Variants in MDGA2 observed in about 807,000 individuals in gnomAD.
MDGA2 encodes MAM domain containing glycosylphosphatidylinositol anchor 2.
A neutral mutation model predicts 117.8 loss-of-function variants in MDGA2; 40 were observed. The ratio of observed to expected loss-of-function variants is 0.34; its 90% confidence interval spans 0.26 to 0.44. MDGA2 has a LOEUF of 0.44. Among genes scored for constraint, MDGA2 ranks in the 20% least tolerant of loss-of-function variants. The pLI, the probability that MDGA2 is intolerant of heterozygous loss-of-function variation, is 1.00. For synonymous variants in MDGA2, 452 were observed against 439.0 expected, an observed-to-expected ratio of 1.03 and a Z score of -0.37; for missense variants, 1,123 against 1,250.6, an observed-to-expected ratio of 0.90 and a Z score of 1.54.
chr14:46,917,504 T>G (rs576638847), intron 10 of MDGA2, among the ~76,000 whole-genome samples: 1 of 152,302 alleles, frequency 6.6e-6, no homozygotes, highest in Non-Finnish European at 1.5e-5. Context: ...ATGCTCAAGG[T>G]TATGTAGCTA....
chr14:47,171,324 A>G (rs1884123510), intron 3 of MDGA2, among the ~76,000 whole-genome samples: 1 of 152,168 alleles, frequency 6.6e-6, no homozygotes, highest in Admixed American at 6.6e-5. Context: ...AATGAATATT[A>G]TATAAATTCT....
chr14:47,402,671 T>C (rs1240416014), intron 1 of MDGA2, among the ~76,000 whole-genome samples: 1 of 152,170 alleles, frequency 6.6e-6, no homozygotes, highest in Non-Finnish European at 1.5e-5. Context: ...AATTTTTGCA[T>C]TTGTATAGCA....
intron 1 of MDGA2, among the ~76,000 whole-genome samples, chr14:47,615,602 A>C (rs1297574332): frequency 6.6e-6 from 1 of 152,192 alleles, no homozygotes; most frequent in African/African-American, 2.4e-5. Context: ...ACTGCAGTTG[A>C]ATTAGGTCAG....
In MDGA2 at chr14:47,373,696, G is replaced by T. The variant is rs547413465; in HGVS notation, c.281-72146C>A. On this transcript the variant is annotated intron_variant, in intron 1 of 16. Transcript: ENST00000399232. ...GTGAGTGACTGCTAATGGATAGGGG[G>T]TTTCTTTTTGGAGGGGACAGGAGGT... Among the ~76,000 whole-genome samples, 4 of 152,090 alleles carry T rather than the reference G, an allele frequency of 2.6e-5. No homozygotes were observed. The East Asian group carries it at 5.8e-4, about 22-fold the overall frequency.
At chr14:46,854,705 T>C (rs766854086) in intron 15 of MDGA2, among the ~76,000 whole-genome samples, 2 of 151,800 alleles carry the variant, frequency 1.3e-5, no homozygotes, top group Non-Finnish European at 2.9e-5. Context: ...TATAGAAACT[T>C]ATAATAATTT....
intron 9 of MDGA2, among the ~76,000 whole-genome samples, chr14:46,922,073 T>A (rs1017806792): frequency 1.3e-5 from 2 of 151,970 alleles, no homozygotes; most frequent in South Asian, 4.2e-4. Flanking sequence ...CAGGGACAAC[T>A]AGGGGTTTTT....
chr14:47,626,218 T>G (rs1214442041), intron 1 of MDGA2: 1 of 152,282 alleles, frequency 6.6e-6, no homozygotes, highest in Non-Finnish European at 1.5e-5. Context: ...GATTTTTTGG[T>G]TTTTTTGTTT....
chr14:47,266,044 T>C (rs1235337256), intron 2 of MDGA2, among the ~76,000 whole-genome samples: 1 of 152,148 alleles, frequency 6.6e-6, no homozygotes, highest in East Asian at 1.9e-4. Flanking sequence ...TCCTCATATG[T>C]TACCTCATTT....
chr14:47,035,540 T>C (rs1162924099), intron 7 of MDGA2, among the ~76,000 whole-genome samples: 1 of 152,222 alleles, frequency 6.6e-6, no homozygotes, highest in Non-Finnish European at 1.5e-5. Flanking sequence ...AGGCATTCAA[T>C]TGAAAAATGG....
At chr14:47,128,907 T>C (rs1021594193) in intron 5 of MDGA2, among the ~76,000 whole-genome samples, 3 of 152,072 alleles carry the variant, frequency 2.0e-5, no homozygotes, top group Non-Finnish European at 4.4e-5. Flanking sequence ...GCCAGGATGG[T>C]CTCAATCTCC....
intron 1 of MDGA2, chr14:47,443,982 T>C (rs1893068633): frequency 6.6e-6 from 1 of 152,274 alleles, no homozygotes; most frequent in African/African-American, 2.4e-5. Context: ...TTATTGAAGG[T>C]ATACATCTAT....
At chr14:47,411,528 AT>A (rs1375226948) in intron 1 of MDGA2, among the ~76,000 whole-genome samples, 1 of 152,180 alleles carries the variant, frequency 6.6e-6, no homozygotes, top group Non-Finnish European at 1.5e-5. Context: ...AATTATTTAA[AT>A]TTTATTACGT....
At position 47,192,155 on chromosome 14, in the gene MDGA2, G is replaced by C. The variant is rs548723526; in HGVS notation, c.595+25866C>G. On this transcript the variant is annotated intron_variant, in intron 3 of 16. Coordinates refer to ENST00000399232, the MANE Select transcript of MDGA2 (RefSeq NM_001113498.3). ...GAGATAAGTGTGAGATGGACTAAGA[G>C]AAATTTGTGACAGACAAGAAGAGAA... 9.2e-5 allele frequency among the ~76,000 whole-genome samples: 14 copies of C among 152,304 alleles called. No homozygotes were observed. The South Asian group carries it at 2.5e-3, about 27-fold the overall frequency.
chr14:46,885,282 T>A (rs769060595), intron 10 of MDGA2, among the ~76,000 whole-genome samples: 1 of 152,148 alleles, frequency 6.6e-6, no homozygotes. Context: ...GTATTCACCA[T>A]TAAACAGGAA....
intron 1 of MDGA2, among the ~76,000 whole-genome samples, chr14:47,438,399 T>C (rs1249020392): frequency 6.6e-6 from 1 of 152,162 alleles, no homozygotes; most frequent in Non-Finnish European, 1.5e-5. Flanking sequence ...TGGATATAAC[T>C]TGATAGGCAA....
intron 7 of MDGA2, among the ~76,000 whole-genome samples, chr14:47,055,702 C>A (rs1889650720): frequency 6.6e-6 from 1 of 152,096 alleles, no homozygotes; most frequent in Non-Finnish European, 1.5e-5. Flanking sequence ...CAATGCATTA[C>A]AGCCTGTGGG....
chr14:47,081,228 C>G (rs17118040), intron 6 of MDGA2, among the ~76,000 whole-genome samples: 17,051 of 151,994 alleles, frequency 0.11, 1,087 homozygotes, highest in East Asian at 0.31. Flanking sequence ...AGTTGTAGCT[C>G]TTAAATGTAT....
chr14:47,267,285 AAAC>A (rs1256881979), intron 2 of MDGA2, among the ~76,000 whole-genome samples: 2 of 152,202 alleles, frequency 1.3e-5, no homozygotes, highest in African/African-American at 2.4e-5. Flanking sequence ...AAGTGAAAAA[AAAC>A]AGTCTTTAAA....
chr14:47,628,327 C>G (rs774925043), intron 1 of MDGA2, among the ~76,000 whole-genome samples: 1 of 152,180 alleles, frequency 6.6e-6, no homozygotes, highest in Non-Finnish European at 1.5e-5. Context: ...TCATATCTGC[C>G]TCTACATCCT....
Sources: gnomAD v4.1 joint callset for allele counts (sites outside exome capture counted in the v4.1 genomes callset) on GRCh38, gnomAD v4.1.1 for gene constraint, MANE v1.5 for transcripts, NCBI Gene and HGNC (gene_info 2026-07-23, HGNC 2026-07-21) for gene names.